The following DLGAP2 variants were observed in gnomAD, a reference collection of about 807,000 sequenced individuals.
The protein encoded by DLGAP2 is DLG associated protein 2.
DLGAP2 carries 26 observed loss-of-function variants against 100.3 expected under a neutral mutation model. That is an observed-to-expected ratio of 0.26 (90% CI 0.19 to 0.36). The LOEUF is 0.36. DLGAP2 is among the 10% of genes least tolerant of loss of function. The pLI, the probability that DLGAP2 is intolerant of heterozygous loss-of-function variation, is 1.00. For synonymous variants in DLGAP2, 886 were observed against 630.1 expected, an observed-to-expected ratio of 1.41 and a Z score of -6.08; for missense variants, 1,858 against 1,453.2, an observed-to-expected ratio of 1.28 and a Z score of -4.53.
chr8:1,085,865 G>A (rs1803958640), intron 2 of DLGAP2, among the ~76,000 whole-genome samples: 1 of 152,152 alleles, frequency 6.6e-6, no homozygotes, highest in Admixed American at 6.6e-5. Context: ...GGGTATGATG[G>A]ACAATTAAAA....
chr8:773,714 A>G (rs1821429511), intron 1 of DLGAP2, among the ~76,000 whole-genome samples: 1 of 152,048 alleles, frequency 6.6e-6, no homozygotes, highest in Admixed American at 6.6e-5. Context: ...TCCATGGTGT[A>G]TATATGCCAC....
At chr8:1,284,361 G>A (rs975907012) in intron 3 of DLGAP2, among the ~76,000 whole-genome samples, 11 of 152,140 alleles carry the variant, frequency 7.2e-5, no homozygotes, top group African/African-American at 2.7e-4. Context: ...TTGCTTCAGA[G>A]GAACCCATTA....
chr8:882,215 T>G lies in DLGAP2; in HGVS notation c.19-25697T>G, dbSNP rs372231058. Among the ~76,000 whole-genome samples, 5 of 148,560 alleles carry G rather than the reference T, an allele frequency of 3.4e-5. No homozygotes were observed. In the East Asian group the frequency reaches 9.7e-4, roughly 29 times the overall value. On this transcript the variant is annotated intron_variant, in intron 1 of 14. Transcript: ENST00000637795. ...GAATGAGACATGACGGGGATTTATC[T>G]AATTTAGTTAGCACATCATCAGAGA...
chr8:738,767 T>A (rs886940821), intron 1 of DLGAP2: 4 of 152,722 alleles, frequency 2.6e-5, no homozygotes, highest in Non-Finnish European at 5.8e-5. Context: ...TGCCCGAGGC[T>A]TCGGAGCAGG....
chr8:1,260,454 G>C (rs1325759396), intron 3 of DLGAP2, among the ~76,000 whole-genome samples: 2 of 152,206 alleles, frequency 1.3e-5, no homozygotes, highest in African/African-American at 4.8e-5. Context: ...CCCATGTGGG[G>C]TGTGTTTTGT....
intron 1 of DLGAP2, among the ~76,000 whole-genome samples, chr8:803,946 C>T (rs1035567296): frequency 3.9e-5 from 6 of 152,120 alleles, no homozygotes; most frequent in East Asian, 1.9e-4. Context: ...AAGATGTATC[C>T]GTGAAATACA....
At chr8:1,186,306 C>T (rs1322829110) in intron 2 of DLGAP2, among the ~76,000 whole-genome samples, 1 of 152,236 alleles carries the variant, frequency 6.6e-6, no homozygotes, top group Non-Finnish European at 1.5e-5. Flanking sequence ...GCGTACTCAC[C>T]ATTAAGGCAG....
At chr8:1,201,434 C>A (rs7818615) in intron 2 of DLGAP2, among the ~76,000 whole-genome samples, 8,371 of 152,186 alleles carry the variant, frequency 0.055, 567 homozygotes, top group African/African-American at 0.17. Flanking sequence ...TGGATGAAGA[C>A]GCCGAGAGGA....
At chr8:760,194 T>C (rs956634667) in intron 1 of DLGAP2, among the ~76,000 whole-genome samples, 2 of 152,160 alleles carry the variant, frequency 1.3e-5, no homozygotes, top group Non-Finnish European at 2.9e-5. Context: ...TGAAAGGCAT[T>C]CCAGAGGCCC....
At chr8:826,186 A>G (rs1022822507) in intron 1 of DLGAP2, among the ~76,000 whole-genome samples, 4 of 152,204 alleles carry the variant, frequency 2.6e-5, no homozygotes, top group African/African-American at 9.6e-5. Flanking sequence ...ATAGTTCTCC[A>G]CTGTGTATGT....
At chr8:1,417,290 C>G (rs752409725) in intron 3 of DLGAP2, among the ~76,000 whole-genome samples, 1 of 152,010 alleles carries the variant, frequency 6.6e-6, no homozygotes, top group Non-Finnish European at 1.5e-5. Flanking sequence ...GAGAGACCGG[C>G]GTTCATTTAG....
At chr8:1,194,206 T>G (rs1453062420) in intron 2 of DLGAP2, among the ~76,000 whole-genome samples, 1 of 152,074 alleles carries the variant, frequency 6.6e-6, no homozygotes, top group African/African-American at 2.4e-5. Context: ...AGGCCACGCC[T>G]TGTTCTCAGC....
At chr8:1,055,644 C>T (rs568021098) in intron 2 of DLGAP2, among the ~76,000 whole-genome samples, 69 of 152,254 alleles carry the variant, frequency 4.5e-4, no homozygotes, top group Admixed American at 1.6e-3. Context: ...TGGAAACAGC[C>T]GTCGGATAGG....
intron 5 of DLGAP2, among the ~76,000 whole-genome samples, chr8:1,550,326 G>T (rs562274565): frequency 6.6e-6 from 1 of 152,198 alleles, no homozygotes. Context: ...ATGGCGGGAC[G>T]TTATCTACGG....
At chr8:767,415 A>G (rs1301607722) in intron 1 of DLGAP2, among the ~76,000 whole-genome samples, 1 of 140,218 alleles carries the variant, frequency 7.1e-6, no homozygotes, top group East Asian at 2.1e-4. Flanking sequence ...CAATGGTGCC[A>G]TCTTGACTCG....
At chr8:1,325,544 C>G (rs1486016109) in intron 3 of DLGAP2, among the ~76,000 whole-genome samples, 1 of 152,164 alleles carries the variant, frequency 6.6e-6, no homozygotes, top group Non-Finnish European at 1.5e-5. Context: ...TAGCTCAGGC[C>G]AAATTAAATC....
intron 2 of DLGAP2, among the ~76,000 whole-genome samples, chr8:1,234,759 G>T (rs1008132216): frequency 2.6e-5 from 4 of 152,184 alleles, no homozygotes; most frequent in African/African-American, 9.7e-5. Flanking sequence ...AGGTGGTTAG[G>T]ATCAAGCTGC....
intron 1 of DLGAP2, among the ~76,000 whole-genome samples, chr8:856,229 C>G (rs1797275603): frequency 1.5e-5 from 2 of 129,452 alleles, no homozygotes; most frequent in African/African-American, 5.8e-5. Flanking sequence ...GCTCTTGTTG[C>G]CCAGACTAGA....
intron 2 of DLGAP2, among the ~76,000 whole-genome samples, chr8:1,206,300 T>A (rs965573343): frequency 1.4e-4 from 21 of 149,444 alleles, no homozygotes; most frequent in Non-Finnish European, 2.1e-4. Flanking sequence ...TGTGAGCGGT[T>A]AATCTCCAGG....
Sources: gnomAD v4.1 joint callset for allele counts (sites outside exome capture counted in the v4.1 genomes callset) on GRCh38, gnomAD v4.1.1 for gene constraint, MANE v1.5 for transcripts, NCBI Gene and HGNC (gene_info 2026-07-23, HGNC 2026-07-21) for gene names.